EPS15: variants seen among roughly 807,000 people sequenced by gnomAD.
EPS15 encodes epidermal growth factor receptor pathway substrate 15.
EPS15 carries 72 observed loss-of-function variants against 113.8 expected under a neutral mutation model. That is an observed-to-expected ratio of 0.63 (90% CI 0.52 to 0.77). The LOEUF (loss-of-function observed/expected upper bound fraction) is 0.77, where lower values mean the gene tolerates loss of function less well. Among genes scored for constraint, EPS15 ranks in the 30% least tolerant of loss-of-function variants. EPS15 has a pLI of 0.00. For synonymous variants in EPS15, 344 were observed against 363.4 expected, an observed-to-expected ratio of 0.95 and a Z score of 0.61; for missense variants, 1,048 against 1,045.8, an observed-to-expected ratio of 1.00 and a Z score of -0.03.
At chr1:51,482,605 A>ACTGCCT (rs1644040656) in intron 1 of EPS15, among the ~76,000 whole-genome samples, 1 of 152,028 alleles carries the variant, frequency 6.6e-6, no homozygotes, top group South Asian at 2.1e-4. Context: ...TAGCAGCATT[A>ACTGCCT]CAGGCGTGCA....
rs145639777 is a variant in EPS15, at chr1:51,450,881, T to A, written c.562-2746A>T. Among the ~76,000 whole-genome samples, 168 of 152,072 alleles carry A rather than the reference T, an allele frequency of 1.1e-3. 8 individuals carry two copies. Among genetic ancestry groups the A allele is most frequent in the African/African-American group, 4.0e-3 (164 of 41,326 alleles). ...AAAAATTATTTTTAAAAATGGTATATCCATATAATGAAATACTATAAAGCA... is the reference window on the plus strand; with the variant it reads ...AAAAATTATTTTTAAAAATGGTATAACCATATAATGAAATACTATAAAGCA... On this transcript the variant is annotated intron_variant, in intron 8 of 24. Coordinates refer to ENST00000371733, the MANE Select transcript of EPS15 (RefSeq NM_001981.3).
intron 21 of EPS15, among the ~76,000 whole-genome samples, chr1:51,383,064 T>C (rs563282472): frequency 2.6e-5 from 4 of 152,310 alleles, no homozygotes; most frequent in African/African-American, 7.2e-5. Flanking sequence ...AATATAAGAA[T>C]GGTTCAACAT....
chr1:51,493,722 G>A (rs373218423), intron 1 of EPS15, among the ~76,000 whole-genome samples: 27 of 150,976 alleles, frequency 1.8e-4, no homozygotes, highest in African/African-American at 5.8e-4. Flanking sequence ...GGGTTCAAGC[G>A]ATTCTCCTGC....
intron 12 of EPS15, among the ~76,000 whole-genome samples, chr1:51,428,826 C>CAAAAAA (rs902706524): frequency 5.6e-5 from 3 of 53,830 alleles, no homozygotes; most frequent in African/African-American, 7.6e-5. Context: ...GACTCCATCT[C>CAAAAAA]AAAAAAAAAA....
chr1:51,477,321 G>A (rs1277120191), intron 2 of EPS15, among the ~76,000 whole-genome samples: 1 of 151,912 alleles, frequency 6.6e-6, no homozygotes, highest in South Asian at 2.1e-4. Context: ...ATTTTTTATT[G>A]TGTCTATTTG....
chr1:51,405,233 CTTATA>C (rs1648983902), intron 16 of EPS15, among the ~76,000 whole-genome samples: 1 of 152,074 alleles, frequency 6.6e-6, no homozygotes, highest in Admixed American at 6.6e-5. Context: ...CTCTGTAGCT[CTTATA>C]TTATGTAATA....
intron 21 of EPS15, among the ~76,000 whole-genome samples, chr1:51,381,706 G>C (rs76549143): frequency 1.3e-5 from 2 of 152,018 alleles, no homozygotes; most frequent in African/African-American, 2.4e-5. Context: ...TAAATATCAC[G>C]CTCAACCAAT....
chr1:51,410,634 C>T (rs963776393), intron 13 of EPS15, among the ~76,000 whole-genome samples: 3 of 152,110 alleles, frequency 2.0e-5, no homozygotes, highest in East Asian at 1.9e-4. Flanking sequence ...TTAATAACTC[C>T]GAAGTATCTG....
At chr1:51,408,541 T>A (rs1207364810) in intron 14 of EPS15, among the ~76,000 whole-genome samples, 1 of 151,932 alleles carries the variant, frequency 6.6e-6, no homozygotes, top group African/African-American at 2.4e-5. Flanking sequence ...GCTCAAGTGA[T>A]CCTCCTGAGT....
chr1:51,474,059 T>C (rs865860088), intron 2 of EPS15, among the ~76,000 whole-genome samples: 3 of 152,230 alleles, frequency 2.0e-5, no homozygotes, highest in African/African-American at 2.4e-5. Flanking sequence ...AGGGGAAACA[T>C]TGATCAAACT....
intron 13 of EPS15, among the ~76,000 whole-genome samples, chr1:51,417,093 T>C (rs533164655): frequency 6.6e-6 from 1 of 152,244 alleles, no homozygotes; most frequent in East Asian, 1.9e-4. Flanking sequence ...CTTCCCAGTA[T>C]GTTCTAAAGA....
chr1:51,500,101 T>C lies in EPS15; in HGVS notation c.34-18787A>G, dbSNP rs1011912088. The stretch of plus-strand genomic sequence containing the variant: ...AGCATAACGTCTTTAAGATTTTTCC[T>C]TCTTGTAGCATATATCAGAATTTCA... On this transcript the variant is annotated intron_variant, in intron 1 of 24. Coordinates refer to ENST00000371733, the MANE Select transcript of EPS15 (RefSeq NM_001981.3). Among the ~76,000 whole-genome samples the C allele has an allele frequency of 5.3e-5, 8 of 152,246 alleles. No homozygotes were observed. The East Asian group carries it at 1.3e-3, about 26-fold the overall frequency.
intron 12 of EPS15, among the ~76,000 whole-genome samples, chr1:51,434,686 T>C (rs1490149502): frequency 6.6e-6 from 1 of 152,206 alleles, no homozygotes; most frequent in Non-Finnish European, 1.5e-5. Context: ...TTTTTCTTTT[T>C]TTGAGACGGA....
chr1:51,413,017 G>A (rs1437396822), intron 13 of EPS15, among the ~76,000 whole-genome samples: 3 of 152,098 alleles, frequency 2.0e-5, no homozygotes, highest in African/African-American at 7.2e-5. Flanking sequence ...AAAACTTGCT[G>A]CAAGACACAT....
At chr1:51,433,317 T>C (rs554204677) in intron 12 of EPS15, among the ~76,000 whole-genome samples, 9 of 152,368 alleles carry the variant, frequency 5.9e-5, no homozygotes, top group Middle Eastern at 6.8e-3. Context: ...AATACTAACA[T>C]GTATTGAGAA....
chr1:51,390,534 C>A (rs1209266672), intron 21 of EPS15, among the ~76,000 whole-genome samples: 1 of 151,008 alleles, frequency 6.6e-6, no homozygotes, highest in African/African-American at 2.4e-5. Flanking sequence ...AGGCAACCTA[C>A]AAAATGGGAG....
rs1393029344 is a variant in EPS15, at chr1:51,510,801, T to C, written c.33+8398A>G. ...CATGGCAGGCTTAAGAATAAAAATA[T>C]GAAGATAAACTCTTTCCCCTGTCCT... is the stretch of plus-strand genomic sequence containing the variant. On this transcript the variant is annotated intron_variant, in intron 1 of 24. Coordinates refer to ENST00000371733, the MANE Select transcript of EPS15 (RefSeq NM_001981.3). Among the ~76,000 whole-genome samples, 4 of 152,154 alleles carry C rather than the reference T, an allele frequency of 2.6e-5. No homozygotes were observed. In the East Asian group the frequency reaches 7.7e-4, roughly 29 times the overall value.
At chr1:51,431,570 A>C (rs1217939606) in intron 12 of EPS15, among the ~76,000 whole-genome samples, 1 of 151,532 alleles carries the variant, frequency 6.6e-6, no homozygotes, top group African/African-American at 2.4e-5. Flanking sequence ...CTCGGCCTTC[A>C]GAGAAGCTGG....
Position 51,410,469 on chromosome 1 carries a change from A to G in EPS15, c.1114-773T>C, listed in dbSNP as rs1649604081. 3.3e-5 allele frequency among the ~76,000 whole-genome samples: 5 copies of G among 152,332 alleles called. No homozygotes were observed. In the South Asian group the frequency reaches 1.0e-3, roughly 32 times the overall value. On this transcript the variant is annotated intron_variant, in intron 13 of 24. Transcript: ENST00000371733. ...AAAAGTCTAACTTTAAAATGTGTAG[A>G]AGAAATGCAGATCTCAGTGTAGGAA...
Sources: allele counts gnomAD v4.1 joint callset (sites outside exome capture counted in the v4.1 genomes callset), GRCh38; gene constraint gnomAD v4.1.1; transcripts MANE v1.5; gene names NCBI Gene and HGNC (gene_info 2026-07-23, HGNC 2026-07-21).